CDYL: variants seen among roughly 807,000 people sequenced by gnomAD.
CDYL encodes chromodomain Y like, also known as chromodomain Y-like protein.
Under a neutral mutation model 47.3 loss-of-function variants are expected in CDYL, and 8 were observed. The observed-to-expected ratio is 0.17, with a 90% CI of 0.10 to 0.31. The LOEUF (loss-of-function observed/expected upper bound fraction) is 0.31, where lower values mean the gene tolerates loss of function less well. Among genes scored for constraint, CDYL ranks in the 10% least tolerant of loss-of-function variants. The pLI is 1.00. For synonymous variants in CDYL, 266 were observed against 265.0 expected (o/e 1.00, Z -0.04); for missense variants, 471 against 701.4 (o/e 0.67, Z 3.71).
chr6:4,839,356 C>A (rs1561663225), intron 1 of CDYL, among the ~76,000 whole-genome samples: 1 of 152,110 alleles, frequency 6.6e-6, no homozygotes, highest in African/African-American at 2.4e-5. Flanking sequence ...AGATTTTCTC[C>A]CACTCTGTGG....
intron 1 of CDYL, among the ~76,000 whole-genome samples, chr6:4,885,331 G>T (rs1255892572): frequency 6.6e-6 from 1 of 152,174 alleles, no homozygotes; most frequent in East Asian, 1.9e-4. Context: ...TCTGAGCAGG[G>T]TGATGAAATT....
At chr6:4,762,732 G>C (rs1758195378) in intron 3 of CDYL, among the ~76,000 whole-genome samples, 1 of 148,252 alleles carries the variant, frequency 6.7e-6, no homozygotes, top group African/African-American at 2.5e-5. Context: ...TAGATCAGGA[G>C]AAAGTACCCA....
chr6:4,892,148 G>A lies in CDYL; in HGVS notation c.460G>A (p.Ala154Thr), dbSNP rs748320096. Residue 154 changes from alanine to threonine, a missense_variant, in exon 2 of 7, where the codon GCA (alanine) becomes ACA (threonine). Ala to Thr is a moderately conservative substitution (Grantham distance 58). Transcript: ENST00000397588. ...VPKSPVKSRTAVDGFQSESPE... is the reference protein window; with the variant it reads ...VPKSPVKSRTTVDGFQSESPE... ...TAAAAGCCCCGTTAAGAGCAGGACCGCAGTGGACGGCTTTCAGAGCGAGAG... is the reference window on the plus strand; with the variant it reads ...TAAAAGCCCCGTTAAGAGCAGGACCACAGTGGACGGCTTTCAGAGCGAGAG... The A allele has an allele frequency of 2.5e-5, 40 of 1,614,124 alleles. No individual in the cohort carries two copies. The highest frequency in any genetic ancestry group is 2.2e-4 in the East Asian group (10 of 44,896).
chr6:4,816,803 A>G (rs1295469253), intron 1 of CDYL, among the ~76,000 whole-genome samples: 1 of 152,118 alleles, frequency 6.6e-6, no homozygotes, highest in African/African-American at 2.4e-5. Context: ...TTTTGATTTC[A>G]TAGTGAGCAA....
At chr6:4,876,988 T>A (rs1265872438) in intron 1 of CDYL, among the ~76,000 whole-genome samples, 1 of 152,214 alleles carries the variant, frequency 6.6e-6, no homozygotes, top group Non-Finnish European at 1.5e-5. Flanking sequence ...CAAGAGAGCT[T>A]CTTTGTCCCT....
intron 5 of CDYL, among the ~76,000 whole-genome samples, chr6:4,949,393 C>G (rs1478319062): frequency 6.6e-6 from 1 of 152,226 alleles, no homozygotes; most frequent in African/African-American, 2.4e-5. Context: ...ACAGCAGTCC[C>G]CATAAGGCTG....
At chr6:4,818,895 A>C (rs1168021184) in intron 1 of CDYL, among the ~76,000 whole-genome samples, 1 of 152,166 alleles carries the variant, frequency 6.6e-6, no homozygotes, top group Non-Finnish European at 1.5e-5. Context: ...TTCTTTTTCC[A>C]GGGATTGATC....
Position 4,947,935 on chromosome 6 carries a change from G to A in CDYL, c.1332+4179G>A, listed in dbSNP as rs930406021. 1.2e-4 allele frequency among the ~76,000 whole-genome samples: 19 copies of A among 152,182 alleles called. 1 individual carries two copies. The highest frequency in any genetic ancestry group is 1.2e-3 in the Admixed American group (19 of 15,284). Reference sequence around the variant, plus strand: ...TTGCCTGCTGACAGCACTTCCCACAGCAGGCAGTTTGCTGGGGTGGGGACG... The same window carrying A: ...TTGCCTGCTGACAGCACTTCCCACAACAGGCAGTTTGCTGGGGTGGGGACG... On this transcript the variant is annotated intron_variant, in intron 5 of 6. Coordinates refer to ENST00000397588, the MANE Select transcript of CDYL (RefSeq NM_004824.4).
intron 1 of CDYL, among the ~76,000 whole-genome samples, chr6:4,829,359 C>T (rs1289621194): frequency 6.6e-6 from 1 of 152,154 alleles, no homozygotes; most frequent in African/African-American, 2.4e-5. Flanking sequence ...TTGTGTTCCA[C>T]TGTGTTTTGG....
chr6:4,901,941 C>T (rs1757067591), intron 2 of CDYL, among the ~76,000 whole-genome samples: 1 of 152,190 alleles, frequency 6.6e-6, no homozygotes, highest in Non-Finnish European at 1.5e-5. Flanking sequence ...GGTGCCCCCG[C>T]AGCTCTGGGC....
intron 1 of CDYL, among the ~76,000 whole-genome samples, chr6:4,839,884 CTTGCT>C: frequency 6.6e-6 from 1 of 151,894 alleles, no homozygotes; most frequent in East Asian, 1.9e-4. Flanking sequence ...TTTGCTTAGT[CTTGCT>C]TTGGTTATGT....
chr6:4,723,829 G>C (rs1037330917), intron 2 of CDYL, among the ~76,000 whole-genome samples: 1 of 152,342 alleles, frequency 6.6e-6, no homozygotes, highest in South Asian at 2.1e-4. Context: ...CACATACTGA[G>C]ACAACTCACT....
chr6:4,931,917 C>G (rs1239885745), intron 2 of CDYL, among the ~76,000 whole-genome samples: 1 of 152,156 alleles, frequency 6.6e-6, no homozygotes, highest in Non-Finnish European at 1.5e-5. Context: ...TAGGGACTAT[C>G]GCCTCAAAGA....
intron 1 of CDYL, among the ~76,000 whole-genome samples, chr6:4,795,783 T>G (rs1190994413): frequency 3.3e-5 from 5 of 152,160 alleles, no homozygotes; most frequent in Admixed American, 1.3e-4. Flanking sequence ...TTCTGGTTCT[T>G]TATTTCCTTC....
chr6:4,724,047 T>C (rs1561824236), intron 2 of CDYL, among the ~76,000 whole-genome samples: 2 of 151,986 alleles, frequency 1.3e-5, no homozygotes, highest in African/African-American at 4.8e-5. Context: ...CCCTCACTTT[T>C]TGTGCGCGTT....
intron 2 of CDYL, among the ~76,000 whole-genome samples, chr6:4,933,693 G>A (rs1263650095): frequency 1.3e-5 from 2 of 152,210 alleles, no homozygotes; most frequent in Non-Finnish European, 2.9e-5. Flanking sequence ...GAGTCCCTCA[G>A]AAGGACTCAG....
At chr6:4,824,060 G>A (rs1222627804) in intron 1 of CDYL, among the ~76,000 whole-genome samples, 2 of 152,176 alleles carry the variant, frequency 1.3e-5, no homozygotes, top group Non-Finnish European at 2.9e-5. Context: ...GCATGTATCA[G>A]CACTTTATTC....
At chr6:4,847,077 A>G (rs192676301) in intron 1 of CDYL, among the ~76,000 whole-genome samples, 20 of 152,326 alleles carry the variant, frequency 1.3e-4, no homozygotes, top group Admixed American at 3.3e-4. Flanking sequence ...AGTCATGTCT[A>G]TCTGCTGCTT....
intron 1 of CDYL, among the ~76,000 whole-genome samples, chr6:4,802,400 T>C (rs1232189566): frequency 1.3e-5 from 2 of 151,786 alleles, no homozygotes; most frequent in African/African-American, 4.8e-5. Context: ...CTTAGCTGAG[T>C]GTGATGGCAG....
Sources: gnomAD v4.1 joint callset for allele counts (sites outside exome capture counted in the v4.1 genomes callset) on GRCh38, gnomAD v4.1.1 for gene constraint, MANE v1.5 for transcripts, NCBI Gene and HGNC (gene_info 2026-07-23, HGNC 2026-07-21) for gene names.